Variants in DLGAP2 observed in about 807,000 individuals in gnomAD.
The protein encoded by DLGAP2 is DLG associated protein 2.
DLGAP2 carries 26 observed loss-of-function variants against 100.3 expected under a neutral mutation model. That is an observed-to-expected ratio of 0.26 (90% CI 0.19 to 0.36). The LOEUF (loss-of-function observed/expected upper bound fraction) is 0.36, where lower values mean the gene tolerates loss of function less well. Ranked by LOEUF, DLGAP2 falls within the 10% of genes least tolerant of loss-of-function variation. The pLI is 1.00. For synonymous variants in DLGAP2, 886 were observed against 630.1 expected (o/e 1.41, Z -6.08); for missense variants, 1,858 against 1,453.2 (o/e 1.28, Z -4.53).
At position 1,548,778 on chromosome 8, in the gene DLGAP2, C is replaced by T. The variant is rs1191118899; in HGVS notation, c.325C>T (p.His109Tyr). 6.9e-6 allele frequency: 11 copies of T among 1,593,888 alleles called. No individual in the cohort carries two copies. The highest frequency in any genetic ancestry group is 9.4e-6 in the Non-Finnish European group (11 of 1,173,102). Residue 109 changes from histidine (H) to tyrosine (Y), a missense_variant, in exon 5 of 15, where the codon CAC becomes TAC. Physicochemically the swap from His to Tyr is moderately conservative, Grantham distance 83. Coordinates refer to ENST00000637795, the MANE Select transcript of DLGAP2 (RefSeq NM_001346810.2). ...TCTGGCGCCCCCGGAGGACTGCGAG[C>T]ACCTGCACCACGGGCCCGACGCGCG... ...CGLAPPEDCE[H>Y]LHHGPDARPP...
At chr8:1,466,022 C>T (rs973706572) in intron 3 of DLGAP2, among the ~76,000 whole-genome samples, 4 of 152,168 alleles carry the variant, frequency 2.6e-5, no homozygotes, top group East Asian at 1.9e-4. Context: ...AGTCATGAGG[C>T]GGGCACCGTG....
chr8:1,485,799 T>G lies in DLGAP2; in HGVS notation c.107-15567T>G, dbSNP rs148540676. Among the ~76,000 whole-genome samples the G allele has an allele frequency of 1.0e-3, 156 of 152,254 alleles. No individual in the cohort carries two copies. In the East Asian group the frequency reaches 0.025, roughly 24 times the overall value. On this transcript the variant is annotated intron_variant, in intron 3 of 14. Transcript: ENST00000637795. ...CAGCACTTTGGGAGGCTGAGGCAGA[T>G]GGATCACTTGAAGTTAGGAGTTTGA... is the stretch of plus-strand genomic sequence containing the variant.
chr8:1,282,749 C>G (rs1319920546), intron 3 of DLGAP2, among the ~76,000 whole-genome samples: 1 of 127,400 alleles, frequency 7.8e-6, no homozygotes, highest in Non-Finnish European at 1.7e-5. Context: ...CGTGGTGTGA[C>G]CTGAATCCAG....
chr8:1,623,617 C>T (rs542891279), intron 6 of DLGAP2, among the ~76,000 whole-genome samples: 20 of 151,554 alleles, frequency 1.3e-4, no homozygotes, highest in Admixed American at 7.9e-4. Context: ...TGTGCGATGA[C>T]GTGGCCCCAG....
intron 3 of DLGAP2, among the ~76,000 whole-genome samples, chr8:1,441,658 A>G (rs968555377): frequency 6.7e-6 from 1 of 149,374 alleles, no homozygotes; most frequent in Non-Finnish European, 1.5e-5. Context: ...ACTGCACTCC[A>G]GCCTGGGCAA....
At chr8:1,293,962 G>A (rs541384829) in intron 3 of DLGAP2, among the ~76,000 whole-genome samples, 4 of 152,308 alleles carry the variant, frequency 2.6e-5, no homozygotes, top group South Asian at 2.1e-4. Flanking sequence ...ACCTTGCACC[G>A]TATTGGAAAG....
intron 6 of DLGAP2, among the ~76,000 whole-genome samples, chr8:1,574,990 G>C (rs915293120): frequency 6.6e-6 from 1 of 152,138 alleles, no homozygotes; most frequent in Non-Finnish European, 1.5e-5. Flanking sequence ...AAACACACAC[G>C]TGTGCACACA....
chr8:1,156,649 C>CCCAGCTCAGCGCA (rs1796797050), intron 2 of DLGAP2, among the ~76,000 whole-genome samples: 1 of 151,710 alleles, frequency 6.6e-6, no homozygotes, highest in African/African-American at 2.4e-5. Flanking sequence ...GGCTCAGCGC[C>CCCAGCTCAGCGCA]CCAGCCCAGC....
At chr8:1,421,533 G>A (rs1157625642) in intron 3 of DLGAP2, among the ~76,000 whole-genome samples, 1 of 152,104 alleles carries the variant, frequency 6.6e-6, no homozygotes, top group Non-Finnish European at 1.5e-5. Flanking sequence ...TCCATGGGGT[G>A]GGGGGAATTT....
At chr8:1,450,702 G>A (rs1019595059) in intron 3 of DLGAP2, among the ~76,000 whole-genome samples, 1 of 152,070 alleles carries the variant, frequency 6.6e-6, no homozygotes, top group Non-Finnish European at 1.5e-5. Context: ...TGTCCCCAGG[G>A]CCTTGGGATG....
chr8:1,026,211 T>C (rs1639952938), intron 2 of DLGAP2, among the ~76,000 whole-genome samples: 1 of 152,190 alleles, frequency 6.6e-6, no homozygotes, highest in Admixed American at 6.5e-5. Flanking sequence ...ACGATCGTGC[T>C]GTCTCGTTGG....
chr8:1,224,072 G>A (rs2084803), intron 2 of DLGAP2, among the ~76,000 whole-genome samples: 40,845 of 152,112 alleles, frequency 0.27, 5,769 homozygotes, highest in East Asian at 0.56. Flanking sequence ...TTGAGCGTAC[G>A]ATATGTTTGT....
chr8:1,269,739 C>T (rs1415061726), intron 3 of DLGAP2, among the ~76,000 whole-genome samples: 10 of 152,144 alleles, frequency 6.6e-5, no homozygotes, highest in African/African-American at 2.4e-4. Flanking sequence ...TGACCCAGAA[C>T]TCAAGCTGTG....
chr8:1,084,584 T>C (rs1803913802), intron 2 of DLGAP2, among the ~76,000 whole-genome samples: 1 of 152,202 alleles, frequency 6.6e-6, no homozygotes, highest in Non-Finnish European at 1.5e-5. Flanking sequence ...GCTTCTGTGC[T>C]TTCAGTAGTT....
intron 1 of DLGAP2, among the ~76,000 whole-genome samples, chr8:890,834 C>G (rs543514377): frequency 7.2e-5 from 11 of 152,240 alleles, no homozygotes; most frequent in African/African-American, 2.6e-4. Context: ...GGGCGTTTCC[C>G]GACCCCCCTA....
intron 5 of DLGAP2, among the ~76,000 whole-genome samples, chr8:1,563,552 C>G (rs1802266142): frequency 6.6e-6 from 1 of 151,780 alleles, no homozygotes; most frequent in Non-Finnish European, 1.5e-5. Context: ...GTCCGGGTGT[C>G]CGCGCCTCGT....
chr8:1,126,249 G>T (rs1392695707), intron 2 of DLGAP2, among the ~76,000 whole-genome samples: 2 of 152,272 alleles, frequency 1.3e-5, no homozygotes, highest in South Asian at 2.1e-4. Flanking sequence ...AAAATAGGTT[G>T]ATTTTTTTAA....
chr8:772,909 G>A (rs182829258), intron 1 of DLGAP2, among the ~76,000 whole-genome samples: 3 of 152,300 alleles, frequency 2.0e-5, no homozygotes, highest in Non-Finnish European at 4.4e-5. Flanking sequence ...GGTGGTGTTA[G>A]AGCTAGAGTA....
At chr8:1,351,328 C>T (rs1240737958) in intron 3 of DLGAP2, among the ~76,000 whole-genome samples, 8 of 60,614 alleles carry the variant, frequency 1.3e-4, no homozygotes, top group Non-Finnish European at 1.6e-4. Flanking sequence ...AAAGGCCGTG[C>T]GGGTCCTGAG....
Sources: allele counts gnomAD v4.1 joint callset (sites outside exome capture counted in the v4.1 genomes callset), GRCh38; gene constraint gnomAD v4.1.1; transcripts MANE v1.5; gene names NCBI Gene and HGNC (gene_info 2026-07-23, HGNC 2026-07-21).